Variants in SPIDR observed in about 807,000 individuals in gnomAD.
SPIDR encodes the protein scaffold protein involved in DNA repair, also known as DNA repair-scaffolding protein.
A neutral mutation model predicts 104.6 loss-of-function variants in SPIDR; 93 were observed. The ratio of observed to expected loss-of-function variants is 0.89; its 90% CI spans 0.75 to 1.06. The LOEUF is 1.06. SPIDR is among the 50% of genes least tolerant of loss of function. The pLI, the probability that SPIDR is intolerant of heterozygous loss-of-function variation, is 0.00. For missense variants in SPIDR, 1,154 were observed against 1,111.2 expected (o/e 1.04, Z -0.55); for synonymous variants, 431 against 416.9 (o/e 1.03, Z -0.41).
intron 5 of SPIDR, among the ~76,000 whole-genome samples, chr8:47,390,568 T>C (rs1285868869): frequency 2.0e-5 from 3 of 148,682 alleles, no homozygotes; most frequent in Non-Finnish European, 3.0e-5. Flanking sequence ...AAGAGAAATA[T>C]AGGACATATC....
chr8:47,435,387 A>G (rs968823700), intron 7 of SPIDR, among the ~76,000 whole-genome samples: 1 of 152,050 alleles, frequency 6.6e-6, no homozygotes, highest in Non-Finnish European at 1.5e-5. Flanking sequence ...AAGACTTTTC[A>G]AAGAGCAGTT....
chr8:47,573,979 GT>G (rs2154407208), intron 8 of SPIDR, among the ~76,000 whole-genome samples: 1 of 152,308 alleles, frequency 6.6e-6, no homozygotes, highest in South Asian at 2.1e-4. Flanking sequence ...ATCCAAGAAT[GT>G]TCCTACTGCT....
At chr8:47,564,099 AG>A (rs2057456300) in intron 8 of SPIDR, among the ~76,000 whole-genome samples, 1 of 34,690 alleles carries the variant, frequency 2.9e-5, no homozygotes, top group East Asian at 8.2e-4. Flanking sequence ...TTTTTTTTTG[AG>A]GCGGAGTCTC....
At chr8:47,501,522 G>A (rs1013386826) in intron 8 of SPIDR, among the ~76,000 whole-genome samples, 2 of 152,086 alleles carry the variant, frequency 1.3e-5, no homozygotes, top group African/African-American at 2.4e-5. Context: ...GAAGTTGCCT[G>A]TCAGCTTAAG....
intron 5 of SPIDR, among the ~76,000 whole-genome samples, chr8:47,383,987 C>T (rs541147418): frequency 6.6e-6 from 1 of 152,094 alleles, no homozygotes; most frequent in Admixed American, 6.6e-5. Flanking sequence ...ATAAAATGTT[C>T]ATGTTTTGAT....
intron 7 of SPIDR, among the ~76,000 whole-genome samples, chr8:47,412,705 T>C (rs2063711517): frequency 6.6e-6 from 1 of 152,258 alleles, no homozygotes; most frequent in African/African-American, 2.4e-5. Flanking sequence ...TATCTCATTT[T>C]AGTCTTTCAG....
chr8:47,468,618 A>G (rs2075252283), intron 8 of SPIDR, among the ~76,000 whole-genome samples: 1 of 152,244 alleles, frequency 6.6e-6, no homozygotes, highest in African/African-American at 2.4e-5. Flanking sequence ...ACTCCATTCA[A>G]TAAATGGTGT....
chr8:47,635,836 AGTGGGT>A (rs2067833372), intron 10 of SPIDR, among the ~76,000 whole-genome samples: 1 of 152,248 alleles, frequency 6.6e-6, no homozygotes, highest in African/African-American at 2.4e-5. Context: ...CCTGCTTCCC[AGTGGGT>A]GAAAATTGGG....
At chr8:47,629,941 G>A (rs994484543) in intron 10 of SPIDR, among the ~76,000 whole-genome samples, 2 of 152,160 alleles carry the variant, frequency 1.3e-5, no homozygotes, top group Non-Finnish European at 2.9e-5. Flanking sequence ...TTCCCATACT[G>A]CACATCAAAA....
intron 8 of SPIDR, among the ~76,000 whole-genome samples, chr8:47,507,393 G>C (rs1297128164): frequency 6.6e-6 from 1 of 152,206 alleles, no homozygotes; most frequent in African/African-American, 2.4e-5. Context: ...GACATGCCAT[G>C]GGAAGCTCTG....
intron 8 of SPIDR, among the ~76,000 whole-genome samples, chr8:47,567,968 T>G (rs915752791): frequency 6.6e-6 from 1 of 151,730 alleles, no homozygotes; most frequent in Non-Finnish European, 1.5e-5. Context: ...ATAATTTTTA[T>G]GTAGAGATGG....
chr8:47,460,653 A>G (rs2073785192), intron 8 of SPIDR, among the ~76,000 whole-genome samples: 1 of 152,168 alleles, frequency 6.6e-6, no homozygotes, highest in Non-Finnish European at 1.5e-5. Context: ...TACACTCAAC[A>G]TTAGTATTGA....
At chr8:47,557,292 C>T (rs759925230) in intron 8 of SPIDR, among the ~76,000 whole-genome samples, 63 of 152,082 alleles carry the variant, frequency 4.1e-4, no homozygotes, top group Non-Finnish European at 6.3e-4. Flanking sequence ...ATGCGGCAGG[C>T]GTATCTGAAT....
At chr8:47,405,909 C>T (rs1264726109) in intron 6 of SPIDR, among the ~76,000 whole-genome samples, 1 of 152,162 alleles carries the variant, frequency 6.6e-6, no homozygotes, top group Non-Finnish European at 1.5e-5. Context: ...GCATAACAGG[C>T]CCTAATGGCC....
At chr8:47,280,805 C>T (rs1301980698) in intron 2 of SPIDR, among the ~76,000 whole-genome samples, 2 of 152,154 alleles carry the variant, frequency 1.3e-5, no homozygotes, top group Admixed American at 1.3e-4. Context: ...CCCAGAGTGC[C>T]GGGATTATAG....
intron 5 of SPIDR, 102 bp from the exon 6 acceptor site, chr8:47,396,274 C>A: frequency 9.9e-7 from 1 of 1,007,902 alleles, no homozygotes; most frequent in Non-Finnish European, 1.4e-6. Context: ...CCTTCAAGAG[C>A]TGTAACTGTA....
intron 14 of SPIDR, among the ~76,000 whole-genome samples, chr8:47,703,789 A>G (rs2080674503): frequency 6.6e-6 from 1 of 152,186 alleles, no homozygotes; most frequent in Non-Finnish European, 1.5e-5. Context: ...GCTGGAGGAC[A>G]CAGGAACTCT....
intron 5 of SPIDR, among the ~76,000 whole-genome samples, chr8:47,390,647 A>T (rs1218921273): frequency 6.6e-6 from 1 of 151,176 alleles, no homozygotes; most frequent in Admixed American, 6.6e-5. Flanking sequence ...ACAGAAGGTG[A>T]TGGGTACATC....
chr8:47,489,599 C>G (rs1439512134), intron 8 of SPIDR, among the ~76,000 whole-genome samples: 1 of 152,190 alleles, frequency 6.6e-6, no homozygotes, highest in Non-Finnish European at 1.5e-5. Flanking sequence ...TGACTTTAAA[C>G]TATACTACAA....
Sources: gnomAD v4.1 joint callset for allele counts (sites outside exome capture counted in the v4.1 genomes callset) on GRCh38, gnomAD v4.1.1 for gene constraint, MANE v1.5 for transcripts, NCBI Gene and HGNC (gene_info 2026-07-23, HGNC 2026-07-21) for gene names.